CLDN16: variants seen among roughly 807,000 people sequenced by gnomAD.
CLDN16 encodes the protein claudin 16, also known as claudin-16.
A neutral mutation model predicts 24.6 loss-of-function variants in CLDN16; 13 were observed. The ratio of observed to expected loss-of-function variants is 0.53; its 90% CI spans 0.34 to 0.84. The LOEUF is 0.84. Among genes scored for constraint, CLDN16 ranks in the 40% least tolerant of loss-of-function variants. The probability of loss-of-function intolerance (pLI) is 0.01; values close to 1 mark genes in which losing one functional copy is unlikely to be tolerated. For synonymous variants in CLDN16, 116 were observed against 106.7 expected, an observed-to-expected ratio of 1.09 and a Z score of -0.54; for missense variants, 298 against 292.7, an observed-to-expected ratio of 1.02 and a Z score of -0.13.
chr3:190,311,365 T>C, the CLDN16 span, among the ~76,000 whole-genome samples: 3 of 152,298 alleles, frequency 2.0e-5, no homozygotes, highest in South Asian at 4.1e-4. Context: ...TAAGACACTA[T>C]CCATGCCTTT....
At chr3:190,379,243 T>C (rs893070396) in intron 3 of CLDN16, among the ~76,000 whole-genome samples, 2 of 152,070 alleles carry the variant, frequency 1.3e-5, no homozygotes, top group African/African-American at 4.8e-5. Context: ...TCCAGTCCAT[T>C]TTTCTATTAA....
chr3:190,305,775 C>A, the CLDN16 span: 2 of 151,964 alleles, frequency 1.3e-5, no homozygotes, highest in African/African-American at 4.8e-5. Context: ...TTATAAAACC[C>A]CAAAATGTCT....
chr3:190,341,384 C>T lies in CLDN16; in HGVS notation n.121+18723C>T, dbSNP rs140911422. Among the ~76,000 whole-genome samples, 1,397 of 152,334 alleles carry T rather than the reference C, an allele frequency of 9.2e-3. 31 individuals are homozygous for T. Among genetic ancestry groups the T allele is most frequent in the African/African-American group, 0.032 (1,342 of 41,568 alleles). On this transcript the variant is annotated intron_variant and non_coding_transcript_variant, in intron 1 of 4. Transcript: ENST00000468220. ...GACTTCTGTGCACTTGCAGGCTCAACACCAGGTGGAAGCTGCCAAGGTTTG... is the reference window on the plus strand; with the variant it reads ...GACTTCTGTGCACTTGCAGGCTCAATACCAGGTGGAAGCTGCCAAGGTTTG...
At chr3:190,353,370 G>A (rs1431276011) in intron 1 of CLDN16, among the ~76,000 whole-genome samples, 1 of 152,008 alleles carries the variant, frequency 6.6e-6, no homozygotes, top group South Asian at 2.1e-4. Context: ...AGTGCACCCA[G>A]CTTCCAATAG....
At chr3:190,393,990 T>C (rs943414864) in intron 1 of CLDN16, among the ~76,000 whole-genome samples, 52 of 152,088 alleles carry the variant, frequency 3.4e-4, no homozygotes, top group South Asian at 4.2e-4. Flanking sequence ...TGACCTCAGG[T>C]GATCCGCCCA....
At chr3:190,304,027 A>G in the CLDN16 span, among the ~76,000 whole-genome samples, 1 of 152,184 alleles carries the variant, frequency 6.6e-6, no homozygotes, top group Non-Finnish European at 1.5e-5. Flanking sequence ...GTCCTGAGAG[A>G]TGACATAGGC....
the CLDN16 span, among the ~76,000 whole-genome samples, chr3:190,292,078 A>G: frequency 6.6e-6 from 1 of 152,184 alleles, no homozygotes; most frequent in Non-Finnish European, 1.5e-5. Context: ...TCCATTAGGC[A>G]GTGACCCAGT....
At chr3:190,303,332 G>A in the CLDN16 span, among the ~76,000 whole-genome samples, 2 of 152,180 alleles carry the variant, frequency 1.3e-5, no homozygotes, top group Non-Finnish European at 2.9e-5. Flanking sequence ...AAAAAGCACA[G>A]CATTAATAGA....
At chr3:190,400,340 G>A (rs1718931925) in intron 1 of CLDN16, among the ~76,000 whole-genome samples, 2 of 151,998 alleles carry the variant, frequency 1.3e-5, no homozygotes, top group Non-Finnish European at 2.9e-5. Flanking sequence ...AGTGGTTCAA[G>A]CGATGCTCCT....
At chr3:190,378,287 G>A (rs1168913224) in intron 3 of CLDN16, among the ~76,000 whole-genome samples, 1 of 152,002 alleles carries the variant, frequency 6.6e-6, no homozygotes, top group African/African-American at 2.4e-5. Context: ...GAGGGTCTCA[G>A]TAGGTAGAAT....
At chr3:190,316,305 T>C in the CLDN16 span, among the ~76,000 whole-genome samples, 38 of 152,382 alleles carry the variant, frequency 2.5e-4, 1 homozygote, top group African/African-American at 9.1e-4. Flanking sequence ...AATTTATTTG[T>C]ATGTTCCAAT....
intron 1 of CLDN16, among the ~76,000 whole-genome samples, chr3:190,390,673 A>C (rs1468214222): frequency 1.3e-5 from 2 of 152,166 alleles, no homozygotes; most frequent in Non-Finnish European, 2.9e-5. Flanking sequence ...ATAGAAACTT[A>C]TATTTTCCAC....
intron 1 of CLDN16, among the ~76,000 whole-genome samples, chr3:190,395,459 T>C (rs1718793335): frequency 6.6e-6 from 1 of 152,074 alleles, no homozygotes; most frequent in Non-Finnish European, 1.5e-5. Context: ...AAAAATATAA[T>C]ATAAAATGTA....
At chr3:190,341,878 A>T (rs1717446204) in intron 1 of CLDN16, among the ~76,000 whole-genome samples, 1 of 152,326 alleles carries the variant, frequency 6.6e-6, no homozygotes, top group East Asian at 1.9e-4. Flanking sequence ...TCAAGTTCAA[A>T]GATCCACAAA....
the CLDN16 span, among the ~76,000 whole-genome samples, chr3:190,290,980 G>C: frequency 6.6e-6 from 1 of 152,170 alleles, no homozygotes; most frequent in African/African-American, 2.4e-5. Flanking sequence ...TAGGATGTTA[G>C]AGAGTAATGA....
chr3:190,350,344 TTATATA>T (rs10563626), intron 1 of CLDN16, among the ~76,000 whole-genome samples: 4,458 of 141,972 alleles, frequency 0.031, 151 homozygotes, highest in East Asian at 0.086. Context: ...GTTCATAATG[TTATATA>T]TATATATATA....
chr3:190,362,836 T>C (rs1439471015), intron 1 of CLDN16, among the ~76,000 whole-genome samples: 1 of 152,016 alleles, frequency 6.6e-6, no homozygotes, highest in African/African-American at 2.4e-5. Context: ...TCTGTCTCCC[T>C]ATACATTATA....
At chr3:190,337,354 C>A (rs185239658) in intron 1 of CLDN16, among the ~76,000 whole-genome samples, 21 of 152,248 alleles carry the variant, frequency 1.4e-4, no homozygotes, top group Admixed American at 9.2e-4. Flanking sequence ...TGGAAATGGG[C>A]AGAAACTAAG....
At chr3:190,325,566 T>C (rs1199631053) in intron 1 of CLDN16, among the ~76,000 whole-genome samples, 1 of 152,200 alleles carries the variant, frequency 6.6e-6, no homozygotes, top group Non-Finnish European at 1.5e-5. Context: ...CGACTGATGC[T>C]TGGGCTTAGC....
Sources: gnomAD v4.1 joint callset for allele counts (sites outside exome capture counted in the v4.1 genomes callset) on GRCh38, gnomAD v4.1.1 for gene constraint, MANE v1.5 for transcripts, NCBI Gene and HGNC (gene_info 2026-07-23, HGNC 2026-07-21) for gene names.